The following MAPK14 variants were observed in gnomAD, a reference collection of about 807,000 sequenced individuals.
MAPK14 encodes CSAID-binding protein.
Under a neutral mutation model 49.6 loss-of-function variants are expected in MAPK14, and 16 were observed. The ratio of observed to expected loss-of-function variants is 0.32; its 90% confidence interval spans 0.22 to 0.49. The LOEUF is 0.49. Among genes scored for constraint, MAPK14 ranks in the 20% least tolerant of loss-of-function variants. The pLI is 0.99. For missense variants in MAPK14, 200 were observed against 441.2 expected (o/e 0.45, Z 4.90); for synonymous variants, 142 against 158.0 (o/e 0.90, Z 0.76).
In MAPK14 at chr6:36,095,874, G is replaced by A. The variant is rs1469164839; in HGVS notation, c.683-113G>A. 1.4e-5 allele frequency: 9 copies of A among 657,688 alleles called. No homozygotes were observed. In the East Asian group the frequency reaches 2.4e-4, roughly 18 times the overall value. 40.7% of individuals were successfully genotyped at this position (657,688 alleles called of 1,614,324 possible). A position where few individuals can be genotyped will look rare whatever the true frequency, so the allele number is the denominator to read the frequency against. On this transcript the variant is annotated intron_variant, in intron 8 of 11. Coordinates refer to ENST00000229794, the MANE Select transcript of MAPK14 (RefSeq NM_139012.3). ...ATTCACCGTGTTGGCTAGGTTTGGG[G>A]TGTTTCATTTTTGTTCTCGGTGTGT... is the stretch of plus-strand genomic sequence containing the variant.
At chr6:36,073,613 T>A in intron 4 of MAPK14, 78 bp from the exon 5 acceptor site, 1 of 1,172,586 alleles carries the variant, frequency 8.5e-7, no homozygotes. Context: ...TACTGATTCA[T>A]GAAAATGTGC....
intron 3 of MAPK14, among the ~76,000 whole-genome samples, chr6:36,071,608 T>A (rs533477946): frequency 1.0e-3 from 154 of 152,244 alleles, no homozygotes; most frequent in African/African-American, 3.4e-3. Context: ...ATATTGTCAA[T>A]GAACAAAATC....
At chr6:36,087,375 A>G (rs1765027827) in intron 8 of MAPK14, among the ~76,000 whole-genome samples, 2 of 152,244 alleles carry the variant, frequency 1.3e-5, no homozygotes, top group Admixed American at 6.5e-5. Context: ...TCCTATATCT[A>G]GAAAACCTTG....
chr6:36,072,622 G>A (rs1049979286), intron 3 of MAPK14, among the ~76,000 whole-genome samples: 5 of 151,978 alleles, frequency 3.3e-5, no homozygotes, highest in South Asian at 4.2e-4. Flanking sequence ...AAGATTAGCC[G>A]GGCATGGTGG....
intron 1 of MAPK14, among the ~76,000 whole-genome samples, chr6:36,042,958 C>T (rs529621916): frequency 6.6e-6 from 1 of 151,918 alleles, no homozygotes; most frequent in East Asian, 1.9e-4. Flanking sequence ...TTTGTCTCTA[C>T]CAAAAATATA....
chr6:36,042,682 C>T (rs140884456), intron 1 of MAPK14, among the ~76,000 whole-genome samples: 2 of 150,112 alleles, frequency 1.3e-5, no homozygotes, highest in Admixed American at 6.6e-5. Flanking sequence ...TTCGTAGACA[C>T]GAGGTCTCAC....
chr6:36,094,199 T>A (rs1765359952), intron 8 of MAPK14, among the ~76,000 whole-genome samples: 1 of 152,224 alleles, frequency 6.6e-6, no homozygotes, highest in South Asian at 2.1e-4. Context: ...GATGACAAAA[T>A]TCCCTGTTAT....
At chr6:36,032,620 T>G (rs1394705302) in intron 1 of MAPK14, among the ~76,000 whole-genome samples, 1 of 152,200 alleles carries the variant, frequency 6.6e-6, no homozygotes, top group Non-Finnish European at 1.5e-5. Context: ...CTCTTAGATC[T>G]TATTCAACTG....
At chr6:36,041,234 T>A (rs1261541700) in intron 1 of MAPK14, among the ~76,000 whole-genome samples, 1 of 151,270 alleles carries the variant, frequency 6.6e-6, no homozygotes, top group South Asian at 2.1e-4. Context: ...TTTTTTTTTT[T>A]AAACACCACC....
At chr6:36,091,471 A>G (rs1226339270) in intron 8 of MAPK14, among the ~76,000 whole-genome samples, 1 of 152,194 alleles carries the variant, frequency 6.6e-6, no homozygotes, top group Admixed American at 6.5e-5. Flanking sequence ...GGCTAAACCT[A>G]TTACAAAGGA....
chr6:36,103,335 T>TTATTTATG (rs1427875630), intron 10 of MAPK14, among the ~76,000 whole-genome samples: 3 of 151,300 alleles, frequency 2.0e-5, no homozygotes, highest in African/African-American at 4.9e-5. Context: ...ATTTATTTAT[T>TTATTTATG]TATTTATTTA....
rs543124523 is a variant in MAPK14, at chr6:36,042,694, A to G, written c.117-10005A>G. 8.1e-4 allele frequency among the ~76,000 whole-genome samples: 122 copies of G among 150,534 alleles called. 1 individual carries two copies. Among genetic ancestry groups the G allele is most frequent in the Middle Eastern group, 3.4e-3 (1 of 290 alleles). On this transcript the variant is annotated intron_variant, in intron 1 of 11. Transcript: ENST00000229794. ...TTTTTCGTAGACACGAGGTCTCACT[A>G]TGTCATGAAGTTGCCCAGGCTGGTC...
intron 6 of MAPK14, 79 bp from the exon 7 acceptor site, chr6:36,075,769 T>C: frequency 6.3e-7 from 1 of 1,592,456 alleles, no homozygotes; most frequent in Non-Finnish European, 8.6e-7. Flanking sequence ...AGAGGTTTGT[T>C]TGTTGTTGTT....
chr6:36,045,148 A>G (rs1476038556), intron 1 of MAPK14, among the ~76,000 whole-genome samples: 3 of 151,938 alleles, frequency 2.0e-5, no homozygotes, highest in African/African-American at 7.3e-5. Context: ...AAAAAAAGCA[A>G]CACCGTAATA....
intron 3 of MAPK14, 151 bp downstream of exon 3, chr6:36,059,498 A>C (rs1322346037): frequency 1.5e-6 from 1 of 649,200 alleles, no homozygotes; most frequent in Non-Finnish European, 2.7e-6. Context: ...TGGATACCAG[A>C]AGATGTATGT....
chr6:36,091,844 C>CTTTTTTTTTT (rs1185804651), intron 8 of MAPK14: 214 of 124,258 alleles, frequency 1.7e-3, no homozygotes, highest in East Asian at 3.2e-3. Flanking sequence ...CTTTTCTTTT[C>CTTTTTTTTTT]TTTTTTTTTT....
the MAPK14 span, among the ~76,000 whole-genome samples, chr6:36,122,927 G>A: frequency 5.3e-5 from 8 of 152,296 alleles, no homozygotes; most frequent in East Asian, 5.8e-4. Context: ...GTACAAGCAC[G>A]CTTCAAGAAT....
chr6:36,100,379 G>A, intron 9 of MAPK14: 1 of 813,038 alleles, frequency 1.2e-6, no homozygotes, highest in Non-Finnish European at 2.2e-6. Flanking sequence ...CATGTGCCTT[G>A]AGGCCTGCCT....
At chr6:36,056,648 A>G (rs1284423271) in intron 2 of MAPK14, among the ~76,000 whole-genome samples, 1 of 152,094 alleles carries the variant, frequency 6.6e-6, no homozygotes, top group Non-Finnish European at 1.5e-5. Flanking sequence ...TTTTGAGGTA[A>G]CTCTTGCATG....
Sources: gnomAD v4.1 joint callset for allele counts (sites outside exome capture counted in the v4.1 genomes callset) on GRCh38, gnomAD v4.1.1 for gene constraint, MANE v1.5 for transcripts, NCBI Gene and HGNC (gene_info 2026-07-23, HGNC 2026-07-21) for gene names.